RGS17: variants seen among roughly 807,000 people sequenced by gnomAD.
RGS17 encodes the protein regulator of G-protein signaling 17.
A neutral mutation model predicts 25.5 loss-of-function variants in RGS17; 12 were observed. That is an observed-to-expected ratio of 0.47 (90% CI 0.30 to 0.76). The LOEUF (loss-of-function observed/expected upper bound fraction) is 0.76, where lower values mean the gene tolerates loss of function less well. Among genes scored for constraint, RGS17 ranks in the 30% least tolerant of loss-of-function variants. RGS17 has a pLI of 0.07. For synonymous variants in RGS17, 71 were observed against 76.9 expected (o/e 0.92, Z 0.40); for missense variants, 196 against 242.2 (o/e 0.81, Z 1.27).
intron 4 of RGS17, among the ~76,000 whole-genome samples, chr6:153,018,291 T>C (rs1234112429): frequency 6.6e-6 from 1 of 152,220 alleles, no homozygotes; most frequent in East Asian, 1.9e-4. Context: ...TTAATCAGCA[T>C]GGTATATTTG....
chr6:153,058,119 T>G (rs573083526), intron 1 of RGS17, among the ~76,000 whole-genome samples: 1 of 152,320 alleles, frequency 6.6e-6, no homozygotes, highest in East Asian at 1.9e-4. Flanking sequence ...CTGAATGAAT[T>G]TGACACATAA....
At chr6:153,035,891 T>C (rs1389177267) in intron 2 of RGS17, among the ~76,000 whole-genome samples, 1 of 152,186 alleles carries the variant, frequency 6.6e-6, no homozygotes, top group Non-Finnish European at 1.5e-5. Flanking sequence ...TTGTACATCT[T>C]ACAGAGAAGC....
intron 1 of RGS17, among the ~76,000 whole-genome samples, chr6:153,093,311 A>G (rs978214327): frequency 6.6e-6 from 1 of 152,122 alleles, no homozygotes; most frequent in Non-Finnish European, 1.5e-5. Context: ...TTAGATTATC[A>G]ATCTGATCTG....
chr6:153,048,861 C>G (rs973779909), intron 1 of RGS17, among the ~76,000 whole-genome samples: 9 of 152,126 alleles, frequency 5.9e-5, no homozygotes, highest in Middle Eastern at 3.2e-3. Context: ...ACAAGTTTTA[C>G]CTGTTTGTTT....
intron 1 of RGS17, among the ~76,000 whole-genome samples, chr6:153,050,942 T>C (rs1467128629): frequency 6.6e-6 from 1 of 152,180 alleles, no homozygotes; most frequent in Non-Finnish European, 1.5e-5. Context: ...AGAGCCTTCA[T>C]GAATGGGATT....
At chr6:153,112,982 G>T (rs1227956681) in intron 1 of RGS17, among the ~76,000 whole-genome samples, 1 of 152,146 alleles carries the variant, frequency 6.6e-6, no homozygotes, top group Non-Finnish European at 1.5e-5. Context: ...AAATTGTAAA[G>T]CCCATCAACA....
Position 153,007,570 on chromosome 6 carries a change from A to G in RGS17, c.*4004T>C, listed in dbSNP as rs1779088799. The G allele has an allele frequency of 6.6e-6, 1 of 151,948 alleles. No homozygotes were observed. Among genetic ancestry groups the G allele is most frequent in the South Asian group, 2.1e-4 (1 of 4,814 alleles). 9.4% of individuals were successfully genotyped at this position (151,948 alleles called of 1,614,324 possible). The stretch of plus-strand genomic sequence containing the variant: ...TTCTATCTATAGGCATTTTCTGTCT[A>G]AGACTTAAAAATATTATTATTATAA... On this transcript the variant is annotated 3_prime_UTR_variant, in exon 5 of 5. Transcript: ENST00000206262.
At chr6:153,053,938 T>C (rs1278180334) in intron 1 of RGS17, among the ~76,000 whole-genome samples, 1 of 37,798 alleles carries the variant, frequency 2.6e-5, no homozygotes, top group African/African-American at 2.0e-4. Flanking sequence ...TATATATGTA[T>C]ATATAATATA....
chr6:153,113,251 G>T (rs78817634), intron 1 of RGS17, among the ~76,000 whole-genome samples: 2 of 150,806 alleles, frequency 1.3e-5, no homozygotes, highest in Non-Finnish European at 3.0e-5. Flanking sequence ...CAAAGGGAAA[G>T]AAAAAGAAAA....
At chr6:153,059,017 C>A (rs907549957) in intron 1 of RGS17, among the ~76,000 whole-genome samples, 1 of 151,824 alleles carries the variant, frequency 6.6e-6, no homozygotes, top group Non-Finnish European at 1.5e-5. Flanking sequence ...CTGGTCCTTA[C>A]TCTGGGTGGT....
chr6:153,086,410 G>GT (rs1194407101), intron 1 of RGS17, among the ~76,000 whole-genome samples: 19 of 152,110 alleles, frequency 1.2e-4, no homozygotes, highest in African/African-American at 3.4e-4. Context: ...TGGCCTGCCC[G>GT]TAAGTTATGC....
intron 1 of RGS17, among the ~76,000 whole-genome samples, chr6:153,052,771 T>G (rs1029979351): frequency 1.1e-4 from 16 of 152,150 alleles, no homozygotes; most frequent in African/African-American, 3.9e-4. Context: ...TGTTAAATAC[T>G]GAATGTGTGT....
At chr6:153,024,643 C>G in intron 3 of RGS17, 147 bp from the exon 4 acceptor site, 1 of 635,212 alleles carries the variant, frequency 1.6e-6, no homozygotes, top group Non-Finnish European at 2.8e-6. Context: ...CCTGATGTGC[C>G]AAATAAGTAT....
chr6:153,111,413 A>G (rs1777467873), intron 1 of RGS17, among the ~76,000 whole-genome samples: 1 of 152,176 alleles, frequency 6.6e-6, no homozygotes, highest in Non-Finnish European at 1.5e-5. Context: ...TGGGCAGGGC[A>G]TCTCTGAAAG....
chr6:153,096,129 G>A (rs765554227), intron 1 of RGS17, among the ~76,000 whole-genome samples: 1 of 152,204 alleles, frequency 6.6e-6, no homozygotes, highest in Non-Finnish European at 1.5e-5. Flanking sequence ...GAAGGCTGGA[G>A]TGGCTTCTCC....
chr6:153,116,704 G>C (rs1354389894), intron 1 of RGS17, among the ~76,000 whole-genome samples: 1 of 152,146 alleles, frequency 6.6e-6, no homozygotes, highest in Non-Finnish European at 1.5e-5. Flanking sequence ...ACTGGATAAA[G>C]AAAATGTGGC....
intron 1 of RGS17, among the ~76,000 whole-genome samples, chr6:153,111,219 A>G (rs531635846): frequency 2.6e-5 from 4 of 152,172 alleles, no homozygotes; most frequent in Non-Finnish European, 5.9e-5. Context: ...CCGGCACAGC[A>G]GTCTGAACTT....
chr6:153,111,782 G>A (rs146962429), intron 1 of RGS17, among the ~76,000 whole-genome samples: 6,906 of 152,294 alleles, frequency 0.045, 176 homozygotes, highest in Middle Eastern at 0.061. Context: ...AGCCTCTGCT[G>A]GTGATACCCA....
intron 4 of RGS17, among the ~76,000 whole-genome samples, chr6:153,020,134 ATATATTTTTTTTTTTTTTT>A (rs1779231378): frequency 5.7e-5 from 4 of 69,682 alleles, no homozygotes; most frequent in East Asian, 4.3e-4. Context: ...ATATATATAT[ATATATTTTTTTTTTTTTTT>A]TTTTTTTTTT....
Sources: gnomAD v4.1 joint callset for allele counts (sites outside exome capture counted in the v4.1 genomes callset) on GRCh38, gnomAD v4.1.1 for gene constraint, MANE v1.5 for transcripts, NCBI Gene and HGNC (gene_info 2026-07-23, HGNC 2026-07-21) for gene names.